Variants in APBB1IP observed in about 807,000 individuals in gnomAD.
APBB1IP encodes amyloid beta precursor protein binding family B member 1 interacting protein, also known as amyloid beta A4 precursor protein-binding family B member 1-interacting protein.
In APBB1IP, 27 loss-of-function variants were observed where a neutral mutation model predicts 64.9. That is an observed-to-expected ratio of 0.42 (90% CI 0.31 to 0.57). The LOEUF (loss-of-function observed/expected upper bound fraction) is 0.57. APBB1IP is among the 20% of genes least tolerant of loss of function. The probability of loss-of-function intolerance (pLI) is 0.20; values close to 1 mark genes in which losing one functional copy is unlikely to be tolerated. For synonymous variants in APBB1IP, 392 were observed against 331.0 expected, an observed-to-expected ratio of 1.18 and a Z score of -2.00; for missense variants, 812 against 845.5, an observed-to-expected ratio of 0.96 and a Z score of 0.49.
rs746421669 is a variant in APBB1IP, at chr10:26,511,821, T to G, written c.606T>G (p.Asp202Glu). The G allele has an allele frequency of 1.1e-5, 17 of 1,614,036 alleles. No individual in the cohort carries two copies. The highest frequency in any genetic ancestry group is 1.4e-5 in the Non-Finnish European group (16 of 1,180,034). The change falls in exon 7 of 15, where the codon GAT (aspartate) becomes GAG (glutamate). Residue 202 changes from aspartate (D) to glutamate (E), a missense_variant. By Grantham distance (45) the Asp-to-Glu change is conservative. This residue lies in a region of APBB1IP where 394 missense variants were observed against 413.1 expected (regional missense o/e 0.95). Coordinates refer to ENST00000376236, the MANE Select transcript of APBB1IP (RefSeq NM_019043.4). Reference sequence around the variant, plus strand: ...TGGATGAGCGGCAGCTGGCCCGAGATGTTCTGGACAACCTTTTCGAGAAAA... The same window carrying G: ...TGGATGAGCGGCAGCTGGCCCGAGAGGTTCTGGACAACCTTTTCGAGAAAA... Reference protein sequence around the residue: ...LMVDERQLARDVLDNLFEKTH... With the variant: ...LMVDERQLAREVLDNLFEKTH...
Position 26,567,750 on chromosome 10 carries a change from A to T in APBB1IP, c.*262A>T. On this transcript the variant is annotated 3_prime_UTR_variant, in exon 15 of 15. Transcript: ENST00000376236. Reference sequence around the variant, plus strand: ...CTGCCTAAAGCGCTGTTTTAGGTTCATTTATTTTATTATGTTCAGAAGCAT... The same window carrying T: ...CTGCCTAAAGCGCTGTTTTAGGTTCTTTTATTTTATTATGTTCAGAAGCAT... 1 of 628,264 alleles carries T rather than the reference A, an allele frequency of 1.6e-6. No homozygotes were observed. Among genetic ancestry groups the T allele is most frequent in the Non-Finnish European group, 2.2e-6 (1 of 449,062 alleles). The allele number at this position is 628,264 out of a possible 1,614,324, so 38.9% of individuals were successfully genotyped here.
intron 2 of APBB1IP, among the ~76,000 whole-genome samples, chr10:26,456,492 G>T (rs1835526719): frequency 6.6e-6 from 1 of 152,108 alleles, no homozygotes; most frequent in Non-Finnish European, 1.5e-5. Context: ...AAATCCTATG[G>T]ACAGTAGAGA....
chr10:26,503,281 CA>C lies in APBB1IP; in HGVS notation c.531+8del. 1 of 1,613,848 alleles carries C rather than the reference CA, an allele frequency of 6.2e-7. No homozygotes were observed. Among genetic ancestry groups the C allele is most frequent in the South Asian group, 1.1e-5 (1 of 91,084 alleles). ...GGAGGCCAAGGTTAAGAAGGTGAAT[CA>C]TGAATCCCTTTTGCATGGGGGCAGT... On this transcript the variant is annotated splice_region_variant and intron_variant, in intron 6 of 14. Transcript: ENST00000376236.
chr10:26,547,835 T>C lies in APBB1IP; in HGVS notation c.1155+6143T>C, dbSNP rs74628331. On this transcript the variant is annotated intron_variant, in intron 11 of 14. Coordinates refer to ENST00000376236, the MANE Select transcript of APBB1IP (RefSeq NM_019043.4). The stretch of plus-strand genomic sequence containing the variant: ...TCAAGTTACACGCTTTGCATGTAGA[T>C]ATCCAGTTAACCCAACACTGTTTAT... Among the ~76,000 whole-genome samples the C allele has an allele frequency of 2.3e-3, 344 of 152,360 alleles. 1 individual carries two copies. Among genetic ancestry groups the C allele is most frequent in the African/African-American group, 7.9e-3 (330 of 41,586 alleles).
rs998242331 is a variant in APBB1IP at position 26,567,535 on chromosome 10, G to A, written c.*47G>A. 2 of 1,517,932 alleles carry A rather than the reference G, an allele frequency of 1.3e-6. No homozygotes were observed. The highest frequency in any genetic ancestry group is 1.8e-6 in the Non-Finnish European group (2 of 1,117,592). The allele number at this position is 1,517,932 out of a possible 1,614,324, so 94.0% of individuals were successfully genotyped here. The stretch of plus-strand genomic sequence containing the variant: ...CAGAGGGAGAAGCATCGCTGACCCC[G>A]AGCGCAGGTTTTGCTAGCAGATTGC... On this transcript the variant is annotated 3_prime_UTR_variant, in exon 15 of 15. Transcript: ENST00000376236.
intron 13 of APBB1IP, 135 bp from the exon 14 acceptor site, chr10:26,562,190 GT>G (rs201047986): frequency 5.9e-5 from 39 of 665,012 alleles, no homozygotes; most frequent in Non-Finnish European, 7.3e-5. Flanking sequence ...TTTTATTTTT[GT>G]TTTTTTTGTA....
intron 11 of APBB1IP, among the ~76,000 whole-genome samples, chr10:26,558,273 T>C (rs573368409): frequency 1.3e-5 from 2 of 152,228 alleles, no homozygotes; most frequent in African/African-American, 2.4e-5. Flanking sequence ...TCAGAACCTA[T>C]GTTTGGTTGC....
intron 2 of APBB1IP, among the ~76,000 whole-genome samples, chr10:26,475,410 C>T (rs977200335): frequency 2.6e-5 from 4 of 152,158 alleles, no homozygotes; most frequent in African/African-American, 4.8e-5. Flanking sequence ...CCGGAGCCGC[C>T]GTGCCTGGCC....
intron 11 of APBB1IP, among the ~76,000 whole-genome samples, chr10:26,550,152 C>CT (rs984792573): frequency 4.0e-5 from 6 of 150,252 alleles, no homozygotes; most frequent in Non-Finnish European, 5.9e-5. Context: ...GTGTTATTTG[C>CT]TTTTTTTTTC....
chr10:26,440,097 C>T (rs1222090067), intron 2 of APBB1IP, among the ~76,000 whole-genome samples: 1 of 152,148 alleles, frequency 6.6e-6, no homozygotes, highest in Admixed American at 6.5e-5. Flanking sequence ...AATGTGTGTC[C>T]TTAAACTATT....
chr10:26,526,694 G>GAGACT (rs540957546), intron 8 of APBB1IP, among the ~76,000 whole-genome samples: 489 of 152,098 alleles, frequency 3.2e-3, no homozygotes, highest in South Asian at 7.7e-3. Context: ...ACTCCAGCCT[G>GAGACT]GGCAACAGAG....
intron 11 of APBB1IP, among the ~76,000 whole-genome samples, chr10:26,545,691 C>T (rs1230469463): frequency 1.3e-5 from 2 of 150,954 alleles, no homozygotes; most frequent in East Asian, 2.0e-4. Context: ...ACCCGGGAGG[C>T]GGAGCTTGCA....
intron 2 of APBB1IP, among the ~76,000 whole-genome samples, chr10:26,458,926 ATTTTC>A (rs146531723): frequency 2.5e-3 from 381 of 151,480 alleles, no homozygotes; most frequent in African/African-American, 8.9e-3. Flanking sequence ...TACTGTGGTT[ATTTTC>A]TTTTCTTTTC....
intron 2 of APBB1IP, among the ~76,000 whole-genome samples, chr10:26,489,982 G>A (rs1835935618): frequency 6.6e-6 from 1 of 152,108 alleles, no homozygotes; most frequent in African/African-American, 2.4e-5. Flanking sequence ...CTGAGATCAG[G>A]CCATTGCACT....
chr10:26,555,946 C>T (rs1273803365), intron 11 of APBB1IP, among the ~76,000 whole-genome samples: 2 of 152,176 alleles, frequency 1.3e-5, no homozygotes. Context: ...TTTCTTGGCA[C>T]CCAGAGATAT....
chr10:26,475,743 G>A (rs1220015367), intron 2 of APBB1IP, among the ~76,000 whole-genome samples: 3 of 152,198 alleles, frequency 2.0e-5, no homozygotes, highest in South Asian at 4.1e-4. Context: ...TATATCAGCA[G>A]TACACAGGAG....
chr10:26,487,095 TG>T (rs139647283), intron 2 of APBB1IP, among the ~76,000 whole-genome samples: 7,298 of 152,184 alleles, frequency 0.048, 573 homozygotes, highest in African/African-American at 0.16. Flanking sequence ...AGTCACGATG[TG>T]AGCATGGCTT....
In APBB1IP at chr10:26,523,561, A is replaced by C. The variant is rs575951987; in HGVS notation, c.814-9878A>C. Among the ~76,000 whole-genome samples, 13 of 152,282 alleles carry C rather than the reference A, an allele frequency of 8.5e-5. No individual in the cohort carries two copies. The East Asian group carries it at 2.5e-3, about 29-fold the overall frequency. ...GGGCCGTCCATTCTCAGGCAGGTCCACTTTAGAAAATGGTACACTTCAAGA... is the reference window on the plus strand; with the variant it reads ...GGGCCGTCCATTCTCAGGCAGGTCCCCTTTAGAAAATGGTACACTTCAAGA... On this transcript the variant is annotated intron_variant, in intron 8 of 14. Coordinates refer to ENST00000376236, the MANE Select transcript of APBB1IP (RefSeq NM_019043.4).
At chr10:26,497,721 A>ATTTTTTTTTTTTTTTTTTTTTTTTTTTT (rs895511347) in intron 4 of APBB1IP, among the ~76,000 whole-genome samples, 1 of 100,336 alleles carries the variant, frequency 1.0e-5, no homozygotes. Flanking sequence ...TGTCCTCTGG[A>ATTTTTTTTTTTTTTTTTTTTTTTTTTTT]TTTTTTTTTT....
Sources: allele counts gnomAD v4.1 joint callset (sites outside exome capture counted in the v4.1 genomes callset), GRCh38; gene constraint gnomAD v4.1.1; regional missense constraint gnomAD v4.1.1; transcripts MANE v1.5; gene names NCBI Gene and HGNC (gene_info 2026-07-23, HGNC 2026-07-21).